Variants in TRIB2 observed in about 807,000 individuals in gnomAD.
The protein encoded by TRIB2 is tribbles pseudokinase 2, also known as tribbles homolog 2.
Under a neutral mutation model 26.8 loss-of-function variants are expected in TRIB2, and 2 were observed. The observed-to-expected ratio is 0.07, with a 90% confidence interval of 0.03 to 0.24. The LOEUF is 0.24. TRIB2 is among the 10% of genes least tolerant of loss of function. The pLI is 1.00. For missense variants in TRIB2, 306 were observed against 449.0 expected, an observed-to-expected ratio of 0.68 and a Z score of 2.88; for synonymous variants, 189 against 187.3, an observed-to-expected ratio of 1.01 and a Z score of -0.08.
intron 2 of TRIB2, among the ~76,000 whole-genome samples, chr2:12,734,521 T>C (rs989881028): frequency 6.6e-6 from 1 of 152,166 alleles, no homozygotes; most frequent in African/African-American, 2.4e-5. Flanking sequence ...TCTTCTCCAC[T>C]AGGCTTTTGG....
At chr2:12,722,781 TTC>T (rs1191479694) in intron 1 of TRIB2, among the ~76,000 whole-genome samples, 1 of 152,214 alleles carries the variant, frequency 6.6e-6, no homozygotes, top group East Asian at 1.9e-4. Flanking sequence ...TAGCTGTTTA[TTC>T]TCTTAGTTGC....
intron 2 of TRIB2, chr2:12,724,891 C>A: frequency 2.6e-6 from 4 of 1,530,062 alleles, no homozygotes; most frequent in Admixed American, 4.4e-5. Context: ...TTCTCTCTAC[C>A]CTTGTATGTT....
Position 12,723,417 on chromosome 2 carries a change from C to G in TRIB2, c.428C>G (p.Thr143Ser). The G allele has an allele frequency of 6.2e-7, 1 of 1,614,214 alleles. No individual in the cohort carries two copies. The highest frequency in any genetic ancestry group is 1.1e-5 in the South Asian group (1 of 91,086). The change falls in exon 2 of 3, where the codon ACC becomes AGC. Residue 143 changes from threonine to serine, a missense_variant. By Grantham distance (58) the Thr-to-Ser change is moderately conservative (BLOSUM62 1). Around this residue, in one of 4 missense-constraint regions of TRIB2, gnomAD observed 118 missense variants for 188.8 expected, o/e 0.63. Coordinates refer to ENST00000155926, the MANE Select transcript of TRIB2 (RefSeq NM_021643.4). ...SYGDMHSFVR[T>S]CKKLREEEAA... is the part of the protein sequence containing the mutation. ...GGGGACATGCATTCCTTCGTCCGCA[C>G]CTGCAAGAAGCTGAGAGAGGAGGAG...
chr2:12,739,531 C>T (rs1558321022), intron 2 of TRIB2, among the ~76,000 whole-genome samples: 1 of 152,098 alleles, frequency 6.6e-6, no homozygotes, highest in East Asian at 1.9e-4. Context: ...GTTTGAGACA[C>T]TGGGCCTGAC....
chr2:12,736,785 G>A (rs1661585742), intron 2 of TRIB2, among the ~76,000 whole-genome samples: 1 of 152,180 alleles, frequency 6.6e-6, no homozygotes, highest in South Asian at 2.1e-4. Flanking sequence ...GGGAAGTGAG[G>A]TGATCATCCC....
At chr2:12,724,926 CTG>C (rs1661305807) in intron 2 of TRIB2, 3 of 1,450,812 alleles carry the variant, frequency 2.1e-6, no homozygotes, top group African/African-American at 1.4e-5. Context: ...GATTTAATAA[CTG>C]CACCTACAAA....
intron 2 of TRIB2, among the ~76,000 whole-genome samples, chr2:12,726,058 C>A (rs1024535801): frequency 6.6e-6 from 1 of 152,224 alleles, no homozygotes; most frequent in Non-Finnish European, 1.5e-5. Flanking sequence ...AGCTCTTCTT[C>A]CAGCCCAAGT....
chr2:12,717,762 G>T lies in TRIB2; in HGVS notation c.-546G>T. ...CCACCAAAAAAAGGGGGTGCAGCGC[G>T]GATTCTGGCTGCCGTGCGTCGCCAG... On this transcript the variant is annotated 5_prime_UTR_variant, in exon 1 of 3. Coordinates refer to ENST00000155926, the MANE Select transcript of TRIB2 (RefSeq NM_021643.4). The surrounding 1 kb of genome is among the most constrained non-coding windows in gnomAD (Gnocchi z 4.8). 1 of 349,752 alleles carries T rather than the reference G, an allele frequency of 2.9e-6. No individual in the cohort carries two copies. Among genetic ancestry groups the T allele is most frequent in the Non-Finnish European group, 5.1e-6 (1 of 195,986 alleles). 21.7% of individuals were successfully genotyped at this position (349,752 alleles called of 1,614,324 possible).
Position 12,718,267 on chromosome 2 carries a change from A to G in TRIB2, c.-41A>G, listed in dbSNP as rs1309971043. On this transcript the variant is annotated 5_prime_UTR_variant, in exon 1 of 3. Transcript: ENST00000155926. This position sits in a 1 kb window ranked among gnomAD's most constrained non-coding sequence, Gnocchi z 4.0. ...GCACTCGCCAGCGACTCATCTCTCC[A>G]GCGGGTTTTTTTTTGTTTGTCGTGT... The G allele has an allele frequency of 6.9e-6, 11 of 1,589,882 alleles. No homozygotes were observed. Among genetic ancestry groups the G allele is most frequent in the Non-Finnish European group, 8.6e-6 (10 of 1,166,744 alleles).
At chr2:12,733,217 T>C (rs1199102127) in intron 2 of TRIB2, among the ~76,000 whole-genome samples, 2 of 152,218 alleles carry the variant, frequency 1.3e-5, no homozygotes, top group Non-Finnish European at 2.9e-5. Flanking sequence ...GTTACCTCAG[T>C]TTCTTCATCC....
intron 2 of TRIB2, among the ~76,000 whole-genome samples, chr2:12,731,432 T>C (rs1039434526): frequency 2.6e-5 from 4 of 152,110 alleles, no homozygotes; most frequent in Non-Finnish European, 4.4e-5. Flanking sequence ...AGGGATGGGT[T>C]TGTGATTCCG....
At chr2:12,719,418 G>A (rs1666675988) in intron 1 of TRIB2, among the ~76,000 whole-genome samples, 1 of 152,058 alleles carries the variant, frequency 6.6e-6, no homozygotes, top group African/African-American at 2.4e-5. Context: ...ATGTATATGT[G>A]TGTCTGTGTA....
chr2:12,728,675 G>T (rs530320023), intron 2 of TRIB2, among the ~76,000 whole-genome samples: 11 of 152,092 alleles, frequency 7.2e-5, no homozygotes, highest in Non-Finnish European at 1.5e-4. Flanking sequence ...TGTGGAAGCC[G>T]GTCAGTACCC....
chr2:12,718,695 A>G lies in TRIB2; in HGVS notation c.270+118A>G, dbSNP rs571884719. 2.1e-4 allele frequency: 285 copies of G among 1,335,226 alleles called. No individual in the cohort carries two copies. Among genetic ancestry groups the G allele is most frequent in the Non-Finnish European group, 2.7e-4 (269 of 989,586 alleles). 82.7% of individuals were successfully genotyped at this position (1,335,226 alleles called of 1,614,324 possible). ...GGGATAATTACCGTGGCCTTATTAA[A>G]TGGGTTTATTTATTTATTTGCTCAG... On this transcript the variant is annotated intron_variant, in intron 1 of 2. Coordinates refer to ENST00000155926, the MANE Select transcript of TRIB2 (RefSeq NM_021643.4). This position sits in a 1 kb window ranked among gnomAD's most constrained non-coding sequence, Gnocchi z 4.0.
chr2:12,721,902 C>A (rs1661229288), intron 1 of TRIB2, among the ~76,000 whole-genome samples: 1 of 152,162 alleles, frequency 6.6e-6, no homozygotes, highest in African/African-American at 2.4e-5. Flanking sequence ...GCCCGTGAAT[C>A]CCCTTAAAAT....
In TRIB2 at chr2:12,736,883, C is replaced by T. The variant is rs61554852; in HGVS notation, c.564-3443C>T. 2.0e-4 allele frequency among the ~76,000 whole-genome samples: 30 copies of T among 152,266 alleles called. No homozygotes were observed. The East Asian group carries it at 3.9e-3, about 20-fold the overall frequency. On this transcript the variant is annotated intron_variant, in intron 2 of 2. Coordinates refer to ENST00000155926, the MANE Select transcript of TRIB2 (RefSeq NM_021643.4). ...CTGAAAAGAGGAGGAGGGCGTGCTC[C>T]GTAATGTAGGATGGACAGGATCAAG...
chr2:12,724,595 G>A, intron 2 of TRIB2: 1 of 1,594,324 alleles, frequency 6.3e-7, no homozygotes, highest in Admixed American at 1.7e-5. Flanking sequence ...GATTTAGAGT[G>A]TGGAACCACA....
rs1442026184 is a variant in TRIB2, at chr2:12,741,914, A to C, written c.*1120A>C. 2.6e-5 allele frequency: 4 copies of C among 152,694 alleles called. No individual in the cohort carries two copies. The highest frequency in any genetic ancestry group is 4.4e-5 in the Non-Finnish European group (3 of 68,038). The allele number at this position is 152,694 out of a possible 1,614,324, so 9.5% of individuals were successfully genotyped here. On this transcript the variant is annotated 3_prime_UTR_variant, in exon 3 of 3. Coordinates refer to ENST00000155926, the MANE Select transcript of TRIB2 (RefSeq NM_021643.4). ...CGGGAAGGATAATTAGCTGAAAGCT[A>C]TGATGATATAAATAAAAACAGCTCT...
intron 1 of TRIB2, among the ~76,000 whole-genome samples, chr2:12,719,886 A>C (rs1225804278): frequency 6.6e-6 from 1 of 152,124 alleles, no homozygotes; most frequent in South Asian, 2.1e-4. Flanking sequence ...AGTTATTGAG[A>C]CCCAGAGCAA....
Sources: gnomAD v4.1 joint callset for allele counts (sites outside exome capture counted in the v4.1 genomes callset) on GRCh38, gnomAD v4.1.1 for gene constraint, gnomAD v4.1.1 regional missense constraint, Gnocchi (gnomAD v3.1) non-coding constraint, MANE v1.5 for transcripts, NCBI Gene and HGNC (gene_info 2026-07-23, HGNC 2026-07-21) for gene names.